Variants in SERINC5 observed in about 807,000 individuals in gnomAD.
SERINC5 encodes chromosome 5 open reading frame 12.
A neutral mutation model predicts 63.1 loss-of-function variants in SERINC5; 41 were observed. The observed-to-expected ratio is 0.65, with a 90% CI of 0.51 to 0.84. The LOEUF (loss-of-function observed/expected upper bound fraction) is 0.84, where lower values mean the gene tolerates loss of function less well. Ranked by LOEUF, SERINC5 falls within the 40% of genes least tolerant of loss-of-function variation. The probability of loss-of-function intolerance (pLI) is 0.00; values close to 1 mark genes in which losing one functional copy is unlikely to be tolerated. For missense variants in SERINC5, 523 were observed against 573.0 expected (o/e 0.91, Z 0.89); for synonymous variants, 222 against 215.2 (o/e 1.03, Z -0.28).
At chr5:80,113,515 G>A (rs1351346116) in intron 12 of SERINC5, 5 of 186,428 alleles carry the variant, frequency 2.7e-5, no homozygotes, top group Non-Finnish European at 3.4e-5. Flanking sequence ...TTGTTTTCAT[G>A]CTGCTGATAA....
chr5:80,247,388 A>G (rs1448076132), intron 1 of SERINC5, among the ~76,000 whole-genome samples: 2 of 152,072 alleles, frequency 1.3e-5, no homozygotes, highest in Non-Finnish European at 2.9e-5. Context: ...AAAGCAAGCA[A>G]TGGGGAAGGG....
At chr5:80,184,816 T>C (rs1013065843) in intron 2 of SERINC5, among the ~76,000 whole-genome samples, 1 of 152,190 alleles carries the variant, frequency 6.6e-6, no homozygotes, top group African/African-American at 2.4e-5. Flanking sequence ...CTAAGGGTGT[T>C]ACCTCTTAAG....
rs1402299883 is a variant in SERINC5, at chr5:80,141,047, C to A, written c.*2616G>T. ...TCACAATTGCACAAAACTGTAGATTCTTTAAATCCAGGAATGTTGACTCCT... is the reference window on the plus strand; with the variant it reads ...TCACAATTGCACAAAACTGTAGATTATTTAAATCCAGGAATGTTGACTCCT... On this transcript the variant is annotated 3_prime_UTR_variant, in exon 12 of 12. Transcript: ENST00000507668. 2.0e-6 allele frequency: 2 copies of A among 985,262 alleles called. No homozygotes were observed. Among genetic ancestry groups the A allele is most frequent in the African/African-American group, 3.5e-5 (2 of 57,244 alleles). The allele number at this position is 985,262 out of a possible 1,614,324, so 61.0% of individuals were successfully genotyped here. A position where few individuals can be genotyped will look rare whatever the true frequency, so the allele number is the denominator to read the frequency against.
chr5:80,148,527 T>A (rs1196512816), intron 9 of SERINC5, among the ~76,000 whole-genome samples: 2 of 151,926 alleles, frequency 1.3e-5, no homozygotes, highest in Non-Finnish European at 2.9e-5. Context: ...AACTTAATTT[T>A]AAAAAATCAG....
intron 2 of SERINC5, among the ~76,000 whole-genome samples, chr5:80,196,871 C>T (rs1480909314): frequency 2.0e-5 from 3 of 148,884 alleles, no homozygotes; most frequent in Admixed American, 2.0e-4. Context: ...ACCTGGGAGG[C>T]GGGGGTTGCT....
intron 5 of SERINC5, among the ~76,000 whole-genome samples, chr5:80,170,318 A>C (rs1220344328): frequency 6.6e-6 from 1 of 152,118 alleles, no homozygotes; most frequent in African/African-American, 2.4e-5. Context: ...TTATGGGAAG[A>C]TACACATCTT....
intron 7 of SERINC5, among the ~76,000 whole-genome samples, chr5:80,160,593 G>A (rs1746818755): frequency 6.6e-6 from 1 of 152,042 alleles, no homozygotes; most frequent in Admixed American, 6.6e-5. Context: ...TGGGGTACAA[G>A]TGTAACTTTT....
At chr5:80,175,996 T>C (rs931496741) in intron 4 of SERINC5, among the ~76,000 whole-genome samples, 5 of 151,324 alleles carry the variant, frequency 3.3e-5, no homozygotes, top group Admixed American at 6.6e-5. Context: ...CTGGCCAATA[T>C]GGTGAAACCC....
chr5:80,214,700 C>G lies in SERINC5; in HGVS notation c.28-11647G>C, dbSNP rs540450028. The stretch of plus-strand genomic sequence containing the variant: ...TCACTTGAGGCTATGAGTTGGAGAC[C>G]AGACTGACCAACATGGTGAAACTCT... On this transcript the variant is annotated intron_variant, in intron 1 of 11. Transcript: ENST00000507668. Among the ~76,000 whole-genome samples, 208 of 152,230 alleles carry G rather than the reference C, an allele frequency of 1.4e-3. 1 individual carries two copies. The highest frequency in any genetic ancestry group is 2.3e-3 in the Non-Finnish European group (158 of 68,014).
chr5:80,195,482 T>A (rs1391756548), intron 2 of SERINC5, among the ~76,000 whole-genome samples: 1 of 152,162 alleles, frequency 6.6e-6, no homozygotes. Context: ...GCAGAACACT[T>A]GCTATACATA....
chr5:80,154,710 C>A (rs1401042550), intron 8 of SERINC5, among the ~76,000 whole-genome samples: 1 of 152,106 alleles, frequency 6.6e-6, no homozygotes, highest in Non-Finnish European at 1.5e-5. Context: ...AACCTGCGAA[C>A]CTCCCCACTT....
intron 1 of SERINC5, among the ~76,000 whole-genome samples, chr5:80,222,410 A>G (rs1252347005): frequency 2.0e-5 from 3 of 152,120 alleles, no homozygotes; most frequent in African/African-American, 7.2e-5. Flanking sequence ...GGTGTCTACA[A>G]GGAGACTCGA....
At chr5:80,234,651 C>G (rs58577509) in intron 1 of SERINC5, among the ~76,000 whole-genome samples, 2 of 152,072 alleles carry the variant, frequency 1.3e-5, no homozygotes, top group Non-Finnish European at 2.9e-5. Context: ...AAAACAAATG[C>G]CCCCAACGTT....
chr5:80,138,906 A>T lies in SERINC5; in HGVS notation c.*4757T>A. 1.0e-6 allele frequency: 1 copy of T among 971,546 alleles called. No individual in the cohort carries two copies. The highest frequency in any genetic ancestry group is 1.2e-6 in the Non-Finnish European group (1 of 817,370). The allele number at this position is 971,546 out of a possible 1,614,324, so 60.2% of individuals were successfully genotyped here. A position where few individuals can be genotyped will look rare whatever the true frequency, so the allele number is the denominator to read the frequency against. On this transcript the variant is annotated 3_prime_UTR_variant, in exon 12 of 12. Coordinates refer to ENST00000507668, the MANE Select transcript of SERINC5 (RefSeq NM_001174072.3). ...AAAAACAACACAGTTTTAATTTTAAATTTTATTAAAGTACAGAGTTAACAA... is the reference window on the plus strand; with the variant it reads ...AAAAACAACACAGTTTTAATTTTAATTTTTATTAAAGTACAGAGTTAACAA...
chr5:80,122,894 G>C (rs1204666829), intron 11 of SERINC5, among the ~76,000 whole-genome samples: 1 of 152,258 alleles, frequency 6.6e-6, no homozygotes, highest in Non-Finnish European at 1.5e-5. Context: ...CTTGGAAGCA[G>C]ATTTTTCTCA....
At position 80,146,253 on chromosome 5, in the gene SERINC5, G is replaced by A; in HGVS notation, c.1094-19C>T. 1 of 1,613,544 alleles carries A rather than the reference G, an allele frequency of 6.2e-7. No homozygotes were observed. Among genetic ancestry groups the A allele is most frequent in the Non-Finnish European group, 8.5e-7 (1 of 1,179,612 alleles). On this transcript the variant is annotated intron_variant, in intron 10 of 11. Coordinates refer to ENST00000507668, the MANE Select transcript of SERINC5 (RefSeq NM_001174072.3). ...TCAGTGTCTGTGAAGCACAGAGGGA[G>A]CCCAGGCTCAATGAGTGAATGTGTG...
At chr5:80,204,290 A>T (rs1034365947) in intron 1 of SERINC5, among the ~76,000 whole-genome samples, 2 of 152,192 alleles carry the variant, frequency 1.3e-5, no homozygotes, top group Non-Finnish European at 2.9e-5. Flanking sequence ...TGCAATTGGC[A>T]TCTGAAATGA....
At chr5:80,208,735 G>A (rs1210366498) in intron 1 of SERINC5, among the ~76,000 whole-genome samples, 2 of 152,162 alleles carry the variant, frequency 1.3e-5, no homozygotes, top group Non-Finnish European at 2.9e-5. Flanking sequence ...TCCTCTCACA[G>A]ATACATTTCC....
At position 80,115,956 on chromosome 5, in the gene SERINC5, G is replaced by A. The variant is rs796879268; in HGVS notation, c.1239-2331C>T. On this transcript the variant is annotated intron_variant, in intron 11 of 12. Transcript: ENST00000509193. ...TTGATAAGGAGTCCTTAATGAGTTC[G>A]TCACTAAGTTAATTCAACATTGAAA... Among the ~76,000 whole-genome samples, 7 of 152,044 alleles carry A rather than the reference G, an allele frequency of 4.6e-5. 1 individual carries two copies. The highest frequency in any genetic ancestry group is 4.1e-4 in the South Asian group (2 of 4,830).
Sources: allele counts gnomAD v4.1 joint callset (sites outside exome capture counted in the v4.1 genomes callset), GRCh38; gene constraint gnomAD v4.1.1; transcripts MANE v1.5; gene names NCBI Gene and HGNC (gene_info 2026-07-23, HGNC 2026-07-21).